The following ZNF705A variants were observed in gnomAD, a reference collection of about 807,000 sequenced individuals.
The protein encoded by ZNF705A is zinc finger protein 705A.
ZNF705A carries 8 observed loss-of-function variants against 16.6 expected under a neutral mutation model. That is an observed-to-expected ratio of 0.48 (90% CI 0.28 to 0.87). ZNF705A has a LOEUF of 0.87. Among genes scored for constraint, ZNF705A ranks in the 40% least tolerant of loss-of-function variants. ZNF705A has a pLI of 0.10. For missense variants in ZNF705A, 233 were observed against 359.9 expected (o/e 0.65, Z 2.85); for synonymous variants, 73 against 117.3 (o/e 0.62, Z 2.44).
At chr12:8,164,437 T>C (rs1180280447) in intron 1 of ZNF705A, among the ~76,000 whole-genome samples, 2 of 152,240 alleles carry the variant, frequency 1.3e-5, no homozygotes, top group Admixed American at 6.5e-5. Flanking sequence ...TAACACTGAA[T>C]AATATTCCAT....
chr12:8,157,459 C>T (rs746361571), intron 1 of ZNF705A, among the ~76,000 whole-genome samples: 1 of 152,128 alleles, frequency 6.6e-6, no homozygotes, highest in Non-Finnish European at 1.5e-5. Context: ...TCCTTCCTCT[C>T]ACTTCCTTGA....
exon 5 of ZNF705A, chr12:8,178,709 T>G (rs995934040): frequency 6.6e-6 from 1 of 152,270 alleles, no homozygotes; most frequent in African/African-American, 2.4e-5. Context: ...TCATTAAACT[T>G]TTCCAAAAGA....
At chr12:8,162,594 C>A (rs1948364843) in intron 1 of ZNF705A, among the ~76,000 whole-genome samples, 1 of 152,150 alleles carries the variant, frequency 6.6e-6, no homozygotes, top group South Asian at 2.1e-4. Flanking sequence ...TCTTCTCAAG[C>A]AGCATCCATT....
chr12:8,160,377 A>C (rs1948343628), intron 1 of ZNF705A, among the ~76,000 whole-genome samples: 1 of 151,882 alleles, frequency 6.6e-6, no homozygotes, highest in African/African-American at 2.4e-5. Context: ...ATGGTATTTG[A>C]TGGGTGTTGT....
intron 4 of ZNF705A, among the ~76,000 whole-genome samples, chr12:8,176,350 A>G (rs1948484042): frequency 6.6e-6 from 1 of 152,196 alleles, no homozygotes; most frequent in East Asian, 1.9e-4. Flanking sequence ...ACATGCACCC[A>G]GGGGACAGGT....
At position 8,175,853 on chromosome 12, in the gene ZNF705A, A is replaced by G. The variant is rs185627751; in HGVS notation, c.236-7A>G. 21 of 1,611,286 alleles carry G rather than the reference A, an allele frequency of 1.3e-5. No homozygotes were observed. Among genetic ancestry groups the G allele is most frequent in the Non-Finnish European group, 1.8e-5 (21 of 1,179,438 alleles). On this transcript the variant is annotated splice_region_variant and splice_polypyrimidine_tract_variant and intron_variant, in intron 3 of 4. Coordinates refer to ENST00000359286, the Ensembl canonical transcript of ZNF705A. ...CAATGTAACAATTTATTTTTCAATT[A>G]TTTCAGACAGGGAAAGTGCCCTTAA...
chr12:8,160,504 G>C (rs965744873), intron 1 of ZNF705A, among the ~76,000 whole-genome samples: 1 of 150,276 alleles, frequency 6.7e-6, no homozygotes, highest in African/African-American at 2.4e-5. Context: ...TCTTTCAGCA[G>C]TGTTTTATAG....
intron 4 of ZNF705A, among the ~76,000 whole-genome samples, chr12:8,176,671 A>C (rs1948486027): frequency 6.6e-6 from 1 of 152,184 alleles, no homozygotes; most frequent in Admixed American, 6.5e-5. Flanking sequence ...ATCAGTTTGC[A>C]TTGCCATGGT....
At chr12:8,170,184 TCCCC>T (rs35676407), upstream of ZNF705A, among the ~76,000 whole-genome samples, 3 of 65,988 alleles carry the variant, frequency 4.5e-5, no homozygotes, top group Non-Finnish European at 6.9e-5. Flanking sequence ...AGCGAAACTC[TCCCC>T]CCCCCCCCAA....
chr12:8,163,172 C>A (rs990844314), intron 1 of ZNF705A, among the ~76,000 whole-genome samples: 31 of 152,112 alleles, frequency 2.0e-4, no homozygotes, highest in African/African-American at 7.2e-4. Context: ...AAATTGTCTT[C>A]CTTAGGTGCT....
intron 1 of ZNF705A, among the ~76,000 whole-genome samples, chr12:8,166,122 G>A (rs886974145): frequency 3.9e-5 from 6 of 152,106 alleles, no homozygotes; most frequent in African/African-American, 7.2e-5. Context: ...TACCATTCTC[G>A]GGTCTGGAAG....
chr12:8,166,874 G>A (rs1393748590), intron 1 of ZNF705A, among the ~76,000 whole-genome samples: 2 of 151,002 alleles, frequency 1.3e-5, no homozygotes, highest in East Asian at 1.9e-4. Context: ...AGGCCTTTGA[G>A]GGGAGGGGCT....
intron 1 of ZNF705A, among the ~76,000 whole-genome samples, chr12:8,157,733 A>G (rs1948321120): frequency 6.6e-6 from 1 of 152,196 alleles, no homozygotes. Flanking sequence ...CCATTTAAGT[A>G]AACATTTCAA....
chr12:8,168,245 G>A (rs1016989059), upstream of ZNF705A, among the ~76,000 whole-genome samples: 5 of 152,102 alleles, frequency 3.3e-5, no homozygotes, highest in African/African-American at 1.2e-4. Flanking sequence ...GCCTCTCTCT[G>A]ATGCTGCCTA....
At chr12:8,162,943 C>T (rs1202805167) in intron 1 of ZNF705A, among the ~76,000 whole-genome samples, 1 of 152,140 alleles carries the variant, frequency 6.6e-6, no homozygotes, top group African/African-American at 2.4e-5. Context: ...GTATATTTGC[C>T]TCATCCACTA....
chr12:8,158,791 T>C (rs1430796556), intron 1 of ZNF705A, among the ~76,000 whole-genome samples: 3 of 152,122 alleles, frequency 2.0e-5, no homozygotes, highest in Admixed American at 2.0e-4. Flanking sequence ...CTGACTACTT[T>C]TAAGATTTTT....
intron 1 of ZNF705A, among the ~76,000 whole-genome samples, chr12:8,173,582 G>A (rs1349653226): frequency 6.6e-6 from 1 of 152,224 alleles, no homozygotes; most frequent in East Asian, 1.9e-4. Context: ...GATTTCCTCA[G>A]TATAGCAGCC....
intron 1 of ZNF705A, among the ~76,000 whole-genome samples, chr12:8,159,769 C>G (rs1268127640): frequency 6.6e-6 from 1 of 152,066 alleles, no homozygotes; most frequent in East Asian, 1.9e-4. Context: ...TTCTCCCAGT[C>G]TCCGGGCTGT....
chr12:8,171,522 T>G (rs1159110809), upstream of ZNF705A, among the ~76,000 whole-genome samples: 3 of 152,174 alleles, frequency 2.0e-5, no homozygotes, highest in South Asian at 6.2e-4. Context: ...GTTAGTAAAA[T>G]ATCAGATTGA....
Sources: gnomAD v4.1 joint callset for allele counts (sites outside exome capture counted in the v4.1 genomes callset) on GRCh38, gnomAD v4.1.1 for gene constraint, MANE v1.5 for transcripts, NCBI Gene and HGNC (gene_info 2026-07-23, HGNC 2026-07-21) for gene names.